Variants in BRWD1 observed in about 807,000 individuals in gnomAD.
BRWD1 encodes the protein bromodomain and WD repeat domain containing 1.
Under a neutral mutation model 251.2 loss-of-function variants are expected in BRWD1, and 82 were observed. The observed-to-expected ratio is 0.33, with a 90% CI of 0.27 to 0.39. The LOEUF is 0.39. BRWD1 is among the 10% of genes least tolerant of loss of function. The pLI, the probability that BRWD1 is intolerant of heterozygous loss-of-function variation, is 1.00. For synonymous variants in BRWD1, 918 were observed against 902.8 expected, an observed-to-expected ratio of 1.02 and a Z score of -0.30; for missense variants, 2,233 against 2,711.6, an observed-to-expected ratio of 0.82 and a Z score of 3.92.
chr21:39,223,065 C>T (rs1410695745), intron 29 of BRWD1, among the ~76,000 whole-genome samples: 3 of 152,062 alleles, frequency 2.0e-5, no homozygotes, highest in South Asian at 2.1e-4. Flanking sequence ...CAGTGAAAAA[C>T]GGAGGGATCC....
intron 19 of BRWD1, among the ~76,000 whole-genome samples, chr21:39,251,742 T>G (rs2836959): frequency 0.51 from 76,840 of 152,000 alleles, 19,766 homozygotes; most frequent in African/African-American, 0.57. Flanking sequence ...GCTTTATGTG[T>G]GTTTAAGGAA....
At chr21:39,213,352 T>C in intron 33 of BRWD1, 129 bp downstream of exon 33, 1 of 772,964 alleles carries the variant, frequency 1.3e-6, no homozygotes, top group Non-Finnish European at 2.1e-6. Context: ...AAAAATATAA[T>C]TTTATCAAAT....
chr21:39,294,994 G>A (rs1441715401), intron 7 of BRWD1, among the ~76,000 whole-genome samples: 1 of 151,808 alleles, frequency 6.6e-6, no homozygotes, highest in Non-Finnish European at 1.5e-5. Context: ...AACACTAATG[G>A]GTTATTTTAT....
In BRWD1 at chr21:39,202,383, T is replaced by C. The variant is rs752919811; in HGVS notation, c.4527A>G (p.Ala1509=). The C allele has an allele frequency of 2.5e-6, 4 of 1,613,880 alleles. No individual in the cohort carries two copies. In the African/African-American group the frequency reaches 5.3e-5, roughly 22 times the overall value. ...GVTSGDSSDS[A]ESSERRKRNR... ...TTCTTTTCCTCCTTTCTGATGATTC[T>C]GCTGAATCTGAAGAGTCACCAGAAG... The change falls in exon 38 of 41, where the codon GCA becomes GCG. Residue 1509 remains alanine, a synonymous_variant. Coordinates refer to ENST00000342449, the MANE Select transcript of BRWD1 (RefSeq NM_033656.4).
At chr21:39,279,793 T>C (rs377451185) in intron 9 of BRWD1, among the ~76,000 whole-genome samples, 10 of 152,192 alleles carry the variant, frequency 6.6e-5, no homozygotes, top group African/African-American at 2.4e-4. Context: ...CGATCATATA[T>C]GGCTAGTGAC....
Position 39,232,301 on chromosome 21 carries a change from T to C in BRWD1, c.2893-17A>G, listed in dbSNP as rs2033646543. The C allele has an allele frequency of 2.5e-6, 4 of 1,605,778 alleles. No homozygotes were observed. The highest frequency in any genetic ancestry group is 1.1e-5 in the South Asian group (1 of 89,432). ...ATATATTACCTACAAAAGGGAAATA[T>C]GCATTTAAAAATTAAGAGCAATATA... On this transcript the variant is annotated splice_polypyrimidine_tract_variant and intron_variant, in intron 24 of 40. Transcript: ENST00000342449.
chr21:39,240,751 C>G (rs1268328690), intron 21 of BRWD1, among the ~76,000 whole-genome samples: 2 of 152,108 alleles, frequency 1.3e-5, no homozygotes, highest in African/African-American at 4.8e-5. Context: ...AAGTGTGGGA[C>G]TATCTGTAGT....
Position 39,293,847 on chromosome 21 carries a change from C to T in BRWD1, c.795G>A (p.Val265=), listed in dbSNP as rs371483019. 2.2e-5 allele frequency: 36 copies of T among 1,614,008 alleles called. No homozygotes were observed. Among genetic ancestry groups the T allele is most frequent in the Admixed American group, 3.3e-5 (2 of 59,998 alleles). ...TAATTGATCCTGTGTGTCCTTGGAGCACAGCAACTGGGGCACAAGTTCTCA... is the reference window on the plus strand; with the variant it reads ...TAATTGATCCTGTGTGTCCTTGGAGTACAGCAACTGGGGCACAAGTTCTCA... ...WCLRTCAPVA[V]LQGHTGSITS... Residue 265 remains valine, a synonymous_variant, in exon 8 of 41, where the codon GTG becomes GTA. Coordinates refer to ENST00000342449, the MANE Select transcript of BRWD1 (RefSeq NM_033656.4).
intron 23 of BRWD1, among the ~76,000 whole-genome samples, chr21:39,233,446 C>G (rs537165632): frequency 7.4e-4 from 112 of 152,120 alleles, no homozygotes; most frequent in Admixed American, 2.4e-3. Flanking sequence ...GAAATCAGCA[C>G]AGTGTACACA....
chr21:39,277,270 G>T lies in BRWD1; in HGVS notation c.1085C>A (p.Ala362Glu). 1 of 1,610,086 alleles carries T rather than the reference G, an allele frequency of 6.2e-7. No individual in the cohort carries two copies. The highest frequency in any genetic ancestry group is 1.7e-4 in the Middle Eastern group (1 of 6,046). ...GCTTACAGTGTGGCTTTCAAGTTCT[G>T]CGATTTTTTCGGGTGCTTCAAAACC... ...FLGFEAPEKI[A>E]ELESHTDKVD... Residue 362 changes from alanine (A) to glutamate (E), a missense_variant, in exon 11 of 41, where the codon GCA becomes GAA. Coordinates refer to ENST00000342449, the MANE Select transcript of BRWD1 (RefSeq NM_033656.4).
chr21:39,308,481 C>CAAA (rs35833623), intron 4 of BRWD1, among the ~76,000 whole-genome samples: 3 of 107,440 alleles, frequency 2.8e-5, no homozygotes, highest in African/African-American at 1.1e-4. Flanking sequence ...CACCTTGTCT[C>CAAA]AAAAAAAAAA....
chr21:39,196,818 T>C lies in BRWD1; in HGVS notation c.6251A>G (p.Asn2084Ser), dbSNP rs1234316370. ...CCCATAATTCAGTTCCACTTCAAAA[T>C]TATTCTCTGCAGTAGCTTTTTGTGC... ...TLAQKATAENNFEVELNYGLR... is the reference protein window; with the variant it reads ...TLAQKATAENSFEVELNYGLR... The change falls in exon 41 of 41, where the codon AAT becomes AGT. Residue 2084 changes from asparagine (N) to serine (S), a missense_variant. By Grantham distance (46) the Asn-to-Ser change is conservative. Transcript: ENST00000342449. The C allele has an allele frequency of 6.2e-7, 1 of 1,613,502 alleles. No homozygotes were observed. Among genetic ancestry groups the C allele is most frequent in the Admixed American group, 1.7e-5 (1 of 60,012 alleles).
chr21:39,313,367 G>GGGGGAGCCC (rs1170703112), intron 1 of BRWD1, 68 bp from the exon 2 acceptor site: 53 of 1,474,764 alleles, frequency 3.6e-5, no homozygotes, highest in South Asian at 2.5e-4. Flanking sequence ...CAGGGGAGCC[G>GGGGGAGCCC]GGGGAGCCCG....
At chr21:39,266,343 AAAC>A (rs2034922680) in intron 15 of BRWD1, among the ~76,000 whole-genome samples, 1 of 152,230 alleles carries the variant, frequency 6.6e-6, no homozygotes, top group Non-Finnish European at 1.5e-5. Flanking sequence ...CTGATCATTA[AAAC>A]ATAAGAACAT....
At position 39,194,573 on chromosome 21, in the gene BRWD1, A is replaced by G. The variant is rs1361641448; in HGVS notation, c.*1686T>C. ...AGGTTTCCCACCTATCTCAGTTGAT[A>G]ATGTCCAAAAACATCCTTCCCCATG... On this transcript the variant is annotated 3_prime_UTR_variant, in exon 41 of 41. Transcript: ENST00000342449. 4.1e-6 allele frequency: 6 copies of G among 1,464,046 alleles called. No individual in the cohort carries two copies. The highest frequency in any genetic ancestry group is 5.4e-6 in the Non-Finnish European group (6 of 1,112,848). 90.7% of individuals were successfully genotyped at this position (1,464,046 alleles called of 1,614,324 possible). A position where few individuals can be genotyped will look rare whatever the true frequency, so the allele number is the denominator to read the frequency against.
intron 7 of BRWD1, among the ~76,000 whole-genome samples, chr21:39,294,805 G>A (rs926458271): frequency 1.3e-5 from 2 of 152,232 alleles, no homozygotes; most frequent in African/African-American, 4.8e-5. Context: ...GCCTCCTCAC[G>A]AACACAGTCT....
At position 39,308,845 on chromosome 21, in the gene BRWD1, G is replaced by C. The variant is rs532029234; in HGVS notation, c.198+3996C>G. Reference sequence around the variant, plus strand: ...TGGTCTCCAGTAAATCAATGGCATAGAAACAAGACTATTCAAGATAAAAAG... The same window carrying C: ...TGGTCTCCAGTAAATCAATGGCATACAAACAAGACTATTCAAGATAAAAAG... On this transcript the variant is annotated intron_variant, in intron 4 of 40. Coordinates refer to ENST00000342449, the MANE Select transcript of BRWD1 (RefSeq NM_033656.4). Among the ~76,000 whole-genome samples, 26 of 152,288 alleles carry C rather than the reference G, an allele frequency of 1.7e-4. 2 individuals carry two copies. Among genetic ancestry groups the C allele is most frequent in the African/African-American group, 6.3e-4 (26 of 41,562 alleles).
intron 17 of BRWD1, 89 bp downstream of exon 17, chr21:39,264,371 G>C: frequency 1.3e-6 from 1 of 764,106 alleles, no homozygotes; most frequent in Non-Finnish European, 2.0e-6. Flanking sequence ...TAATAATTGG[G>C]GATCTAAAGG....
chr21:39,196,263 AAGGTGC>A lies in BRWD1; in HGVS notation c.6800_6805del (p.Cys2267_Thr2268del), dbSNP rs1398020195. On this transcript the variant is annotated inframe_deletion, in exon 41 of 41. Coordinates refer to ENST00000342449, the MANE Select transcript of BRWD1 (RefSeq NM_033656.4). ...TGAACTGGCTTTCCCTCAAGGTCAT[AAGGTGC>A]AACCATTGAAATCTAACACATTTTC... 6.3e-7 allele frequency: 1 copy of A among 1,586,800 alleles called. No individual in the cohort carries two copies. The highest frequency in any genetic ancestry group is 2.2e-5 in the East Asian group (1 of 44,738).
Sources: allele counts gnomAD v4.1 joint callset (sites outside exome capture counted in the v4.1 genomes callset), GRCh38; gene constraint gnomAD v4.1.1; transcripts MANE v1.5; gene names NCBI Gene and HGNC (gene_info 2026-07-23, HGNC 2026-07-21).